Variants in IQSEC1 observed in about 807,000 individuals in gnomAD.
IQSEC1 encodes IQ motif and SEC7 domain-containing protein 1.
IQSEC1 carries 31 observed loss-of-function variants against 91.0 expected under a neutral mutation model. The observed-to-expected ratio is 0.34, with a 90% CI of 0.26 to 0.46. IQSEC1 has a LOEUF of 0.46. Ranked by LOEUF, IQSEC1 falls within the 20% of genes least tolerant of loss-of-function variation. The pLI, the probability that IQSEC1 is intolerant of heterozygous loss-of-function variation, is 1.00. For missense variants in IQSEC1, 1,388 were observed against 1,575.6 expected (o/e 0.88, Z 2.02); for synonymous variants, 699 against 662.6 (o/e 1.05, Z -0.84).
At position 13,050,147 on chromosome 3, in the gene IQSEC1, T is replaced by C. The variant is rs1185882875; in HGVS notation, c.23+22845A>G. Among the ~76,000 whole-genome samples the C allele has an allele frequency of 9.5e-5, 14 of 146,904 alleles. No individual in the cohort carries two copies. In the Admixed American group the frequency reaches 9.8e-4, roughly 10 times the overall value. On this transcript the variant is annotated intron_variant, in intron 1 of 13. Coordinates refer to ENST00000613206, the MANE Select transcript of IQSEC1 (RefSeq NM_001134382.3). ...TCGGTGCCCCACCCCTCCAAGACAG[T>C]ATAGCTAGGACTGGCTCTGAATGGA...
chr3:13,260,768 C>A lies in IQSEC1; in HGVS notation c.272+21943G>T, dbSNP rs80086023. ...AGTCCTCCTGGCAGGGTGCACGGGGCGTGGAAGGAGAAAGCCACATTGTCC... is the reference window on the plus strand; with the variant it reads ...AGTCCTCCTGGCAGGGTGCACGGGGAGTGGAAGGAGAAAGCCACATTGTCC... On this transcript the variant is annotated intron_variant, in intron 1 of 15. Transcript: ENST00000648114. 1.0e-2 allele frequency among the ~76,000 whole-genome samples: 973 copies of A among 97,648 alleles called. 7 individuals carry two copies. The highest frequency in any genetic ancestry group is 0.035 in the African/African-American group (919 of 26,374). 64.1% of individuals were successfully genotyped at this position (97,648 alleles called of 152,430 possible). A position where few individuals can be genotyped will look rare whatever the true frequency, so the allele number is the denominator to read the frequency against.
chr3:13,054,822 G>A (rs562883700), intron 1 of IQSEC1, among the ~76,000 whole-genome samples: 4 of 152,364 alleles, frequency 2.6e-5, no homozygotes, highest in South Asian at 2.1e-4. Flanking sequence ...CAGGGCACTC[G>A]GGTCAGACGG....
chr3:13,038,262 G>GTATATATATATA (rs58338571), intron 1 of IQSEC1, among the ~76,000 whole-genome samples: 1,905 of 100,682 alleles, frequency 0.019, 45 homozygotes, highest in East Asian at 0.024. Flanking sequence ...GTGTGTGTGT[G>GTATATATATATA]TATATATATA....
intron 1 of IQSEC1, among the ~76,000 whole-genome samples, chr3:13,014,066 A>T (rs1703007395): frequency 6.6e-6 from 1 of 152,174 alleles, no homozygotes; most frequent in Non-Finnish European, 1.5e-5. Context: ...GGCGCCCAAC[A>T]AAGGCAGGTT....
chr3:13,056,000 C>T (rs138932000), intron 1 of IQSEC1, among the ~76,000 whole-genome samples: 61 of 152,054 alleles, frequency 4.0e-4, no homozygotes, highest in Non-Finnish European at 7.5e-4. Context: ...CTTCTGTGAC[C>T]CCCAAAGGCT....
intron 1 of IQSEC1, among the ~76,000 whole-genome samples, chr3:13,191,069 C>T (rs1363020847): frequency 1.3e-5 from 2 of 152,212 alleles, no homozygotes; most frequent in African/African-American, 4.8e-5. Context: ...TTCAGCATAA[C>T]CTAATTCTAT....
chr3:13,124,880 G>C (rs1706486265), intron 2 of IQSEC1, among the ~76,000 whole-genome samples: 1 of 152,140 alleles, frequency 6.6e-6, no homozygotes, highest in African/African-American at 2.4e-5. Flanking sequence ...ATTATGGTGA[G>C]GGTAGGTCCC....
At chr3:13,041,626 A>T (rs958958752) in intron 1 of IQSEC1, among the ~76,000 whole-genome samples, 1 of 152,114 alleles carries the variant, frequency 6.6e-6, no homozygotes, top group Non-Finnish European at 1.5e-5. Flanking sequence ...TTCTTGACCA[A>T]GGTGTGCACT....
At chr3:13,013,282 T>C (rs928952561) in intron 1 of IQSEC1, among the ~76,000 whole-genome samples, 1 of 152,140 alleles carries the variant, frequency 6.6e-6, no homozygotes, top group Non-Finnish European at 1.5e-5. Context: ...GCCACTTCAA[T>C]GCTCCCACAC....
At chr3:13,232,730 A>C (rs1694858709) in intron 1 of IQSEC1, among the ~76,000 whole-genome samples, 1 of 152,208 alleles carries the variant, frequency 6.6e-6, no homozygotes, top group Non-Finnish European at 1.5e-5. Context: ...GTAATAAATA[A>C]AGAGTAGTGT....
At chr3:12,962,519 T>G (rs1451109434) in intron 1 of IQSEC1, among the ~76,000 whole-genome samples, 1 of 152,214 alleles carries the variant, frequency 6.6e-6, no homozygotes, top group Non-Finnish European at 1.5e-5. Context: ...TTATTAATGA[T>G]CCCTCTCCCC....
At chr3:13,208,014 A>G (rs567932110) in intron 1 of IQSEC1, among the ~76,000 whole-genome samples, 99 of 152,238 alleles carry the variant, frequency 6.5e-4, no homozygotes, top group Non-Finnish European at 7.4e-5. Context: ...TGTTTCTATC[A>G]CAGACATCTT....
At chr3:13,038,260 GTGTA>G (rs1210413402) in intron 1 of IQSEC1, among the ~76,000 whole-genome samples, 25 of 62,364 alleles carry the variant, frequency 4.0e-4, no homozygotes, top group Middle Eastern at 0.01. Flanking sequence ...GTGTGTGTGT[GTGTA>G]TATATATATA....
In IQSEC1 at chr3:12,904,719, C is replaced by T. The variant is rs767304014; in HGVS notation, c.2756-1897G>A. ...AATCAGCTCTCTAGCCTACCCCTAACGCCTGGGACTCCTCTGGCTGACTAA... is the reference window on the plus strand; with the variant it reads ...AATCAGCTCTCTAGCCTACCCCTAATGCCTGGGACTCCTCTGGCTGACTAA... On this transcript the variant is annotated intron_variant, in intron 12 of 13. Coordinates refer to ENST00000613206, the MANE Select transcript of IQSEC1 (RefSeq NM_001134382.3). Among the ~76,000 whole-genome samples the T allele has an allele frequency of 4.8e-4, 73 of 152,346 alleles. 2 individuals carry two copies. Among genetic ancestry groups the T allele is most frequent in the East Asian group, 3.9e-4 (2 of 5,178 alleles).
chr3:13,077,545 A>C (rs909942715), upstream of IQSEC1, among the ~76,000 whole-genome samples: 4 of 152,218 alleles, frequency 2.6e-5, no homozygotes, highest in African/African-American at 4.8e-5. Flanking sequence ...TCTCTAAACC[A>C]CAGACTCTTC....
At chr3:13,165,537 CGTGTGTGTGTGTGT>C (rs57239903) in intron 1 of IQSEC1, among the ~76,000 whole-genome samples, 4 of 66,644 alleles carry the variant, frequency 6.0e-5, no homozygotes, top group Non-Finnish European at 1.2e-4. Context: ...GGGGGGGTGG[CGTGTGTGTGTGTGT>C]GTGTGTGTGT....
intron 2 of IQSEC1, among the ~76,000 whole-genome samples, chr3:13,094,118 A>C (rs1705915250): frequency 1.3e-5 from 2 of 152,194 alleles, no homozygotes. Context: ...GAAGAGAGAG[A>C]GAGAACCGTG....
At chr3:13,167,089 G>A (rs1693511840) in intron 1 of IQSEC1, among the ~76,000 whole-genome samples, 1 of 152,192 alleles carries the variant, frequency 6.6e-6, no homozygotes, top group Non-Finnish European at 1.5e-5. Flanking sequence ...GTATGTGCGT[G>A]TGTGTGTGCC....
rs187558706 is a variant in IQSEC1 at position 13,279,665 on chromosome 3, C to T, written c.272+3046G>A. Among the ~76,000 whole-genome samples, 436 of 152,308 alleles carry T rather than the reference C, an allele frequency of 2.9e-3. 4 individuals are homozygous for T. The South Asian group carries it at 0.031, about 11-fold the overall frequency. ...CTGTCTGTGTGGCGGGCTGGGGGCT[C>T]CTGACTCACGCCAGAGAATCTGGAG... is the stretch of plus-strand genomic sequence containing the variant. On this transcript the variant is annotated intron_variant, in intron 1 of 15. Coordinates refer to the IQSEC1 transcript ENST00000648114.
Sources: allele counts gnomAD v4.1 joint callset (sites outside exome capture counted in the v4.1 genomes callset), GRCh38; gene constraint gnomAD v4.1.1; transcripts MANE v1.5; gene names NCBI Gene and HGNC (gene_info 2026-07-23, HGNC 2026-07-21).